The following CYTL1 variants were observed in gnomAD, a reference collection of about 807,000 sequenced individuals.
The protein encoded by CYTL1 is cytokine like 1.
In CYTL1, 17 loss-of-function variants were observed where a neutral mutation model predicts 13.1. The observed-to-expected ratio is 1.29, with a 90% CI of 0.89 to 1.94. The LOEUF (loss-of-function observed/expected upper bound fraction) is 1.94, where lower values mean the gene tolerates loss of function less well. Ranked by LOEUF, CYTL1 falls within the 30% of genes most tolerant of loss-of-function variation. CYTL1 has a pLI of 0.00. For synonymous variants in CYTL1, 91 were observed against 79.4 expected (o/e 1.15, Z -0.78); for missense variants, 213 against 174.8 (o/e 1.22, Z -1.23).
chr4:5,017,994 G>A (rs1400167559), intron 1 of CYTL1, among the ~76,000 whole-genome samples: 3 of 152,120 alleles, frequency 2.0e-5, no homozygotes, highest in African/African-American at 7.2e-5. Flanking sequence ...TTCCCGCTCT[G>A]TGGTTCAGAG....
rs964092345 is a variant in CYTL1 at position 5,017,196 on chromosome 4, G to C, written c.154-17C>G. 6.2e-7 allele frequency: 1 copy of C among 1,613,166 alleles called. No homozygotes were observed. Among genetic ancestry groups the C allele is most frequent in the African/African-American group, 1.3e-5 (1 of 74,916 alleles). ...ACATGGCTCCTGTGGAAAGGGATAA[G>C]GGGTTCTGGGATGCCCACAGGGGCA... is the stretch of plus-strand genomic sequence containing the variant. On this transcript the variant is annotated splice_polypyrimidine_tract_variant and intron_variant, in intron 1 of 3. Coordinates refer to ENST00000307746, the MANE Select transcript of CYTL1 (RefSeq NM_018659.3).
Position 5,019,282 on chromosome 4 carries a change from G to C in CYTL1, c.153+11C>G. ...CCATGCACCCCTGTCCTGAGCGGGC[G>C]GGGGACTCACCGAGGGCTCCGAGAC... On this transcript the variant is annotated intron_variant, in intron 1 of 3. Coordinates refer to ENST00000307746, the MANE Select transcript of CYTL1 (RefSeq NM_018659.3). The C allele has an allele frequency of 6.8e-7, 1 of 1,476,188 alleles. No homozygotes were observed. Among genetic ancestry groups the C allele is most frequent in the Non-Finnish European group, 9.0e-7 (1 of 1,116,564 alleles). The allele number at this position is 1,476,188 out of a possible 1,614,324, so 91.4% of individuals were successfully genotyped here. A position where few individuals can be genotyped will look rare whatever the true frequency, so the allele number is the denominator to read the frequency against.
chr4:5,017,871 A>G (rs1741111016), intron 1 of CYTL1, among the ~76,000 whole-genome samples: 1 of 152,200 alleles, frequency 6.6e-6, no homozygotes, highest in South Asian at 2.1e-4. Flanking sequence ...CTGAAGGGCA[A>G]AAGCCCTCGT....
At position 5,015,184 on chromosome 4, in the gene CYTL1, T is replaced by G. The variant is rs1741043270; in HGVS notation, c.378A>C (p.Pro126=). Reference sequence around the variant, plus strand: ...GACGATCTGGCAGGACCGTAGTCACTGGGATTGGGTATTCCAAGGCATTGC... The same window carrying G: ...GACGATCTGGCAGGACCGTAGTCACGGGGATTGGGTATTCCAAGGCATTGC... ...DDCNALEYPI[P]VTTVLPDRQR The change falls in exon 4 of 4, where the codon CCA becomes CCC. Residue 126 remains proline (P), a synonymous_variant. Coordinates refer to ENST00000307746, the MANE Select transcript of CYTL1 (RefSeq NM_018659.3). 3.1e-6 allele frequency: 5 copies of G among 1,614,054 alleles called. No individual in the cohort carries two copies. The East Asian group carries it at 1.1e-4, about 36-fold the overall frequency.
rs1225874402 is a variant in CYTL1 at position 5,017,128 on chromosome 4, C to T, written c.198+7G>A. ...AGACCTCCCTCCCCCAGGGAGAACC[C>T]TCTTACGTGTATGTCCAGGTACAGC... On this transcript the variant is annotated splice_region_variant and intron_variant, in intron 2 of 3. Coordinates refer to ENST00000307746, the MANE Select transcript of CYTL1 (RefSeq NM_018659.3). 3 of 1,613,774 alleles carry T rather than the reference C, an allele frequency of 1.9e-6. No homozygotes were observed. The African/African-American group carries it at 4.0e-5, about 22-fold the overall frequency.
At chr4:5,015,257 A>G in intron 3 of CYTL1, 23 bp from the exon 4 acceptor site, 3 of 1,600,358 alleles carry the variant, frequency 1.9e-6, no homozygotes, top group Non-Finnish European at 2.6e-6. Flanking sequence ...TGCAATGAGC[A>G]GGAAAGTTAC....
At chr4:5,016,045 T>C (rs1210698699) in intron 3 of CYTL1, among the ~76,000 whole-genome samples, 2 of 152,208 alleles carry the variant, frequency 1.3e-5, no homozygotes, top group Non-Finnish European at 1.5e-5. Flanking sequence ...AATGTAGGCT[T>C]TGACTTAATG....
chr4:5,016,623 G>A (rs1418686435), intron 3 of CYTL1, among the ~76,000 whole-genome samples: 7 of 152,126 alleles, frequency 4.6e-5, no homozygotes, highest in Non-Finnish European at 1.5e-5. Flanking sequence ...CTGCATCAAT[G>A]CGCAGCTCAT....
At chr4:5,017,465 C>A (rs1487132913) in intron 1 of CYTL1, among the ~76,000 whole-genome samples, 1 of 152,166 alleles carries the variant, frequency 6.6e-6, no homozygotes, top group South Asian at 2.1e-4. Flanking sequence ...CACGTATATA[C>A]ATAAAAGCAG....
chr4:5,016,768 C>T (rs571970955), intron 3 of CYTL1, 68 bp downstream of exon 3: 1 of 1,591,264 alleles, frequency 6.3e-7, no homozygotes, highest in East Asian at 2.2e-5. Context: ...CAACTCTCCT[C>T]TTTGAAAAGC....
At chr4:5,016,800 C>G (rs1741082408) in intron 3 of CYTL1, 36 bp downstream of exon 3, 1 of 1,612,124 alleles carries the variant, frequency 6.2e-7, no homozygotes, top group Admixed American at 1.7e-5. Flanking sequence ...TGGCTGATAG[C>G]AAGTAGAAAA....
chr4:5,018,939 C>T (rs1458627407), intron 1 of CYTL1, among the ~76,000 whole-genome samples: 1 of 151,834 alleles, frequency 6.6e-6, no homozygotes, highest in African/African-American at 2.4e-5. Context: ...TTCCTCCGTC[C>T]TCCTTAACTC....
At position 5,017,237 on chromosome 4, in the gene CYTL1, G is replaced by C. The variant is rs1431861821; in HGVS notation, c.154-58C>G. On this transcript the variant is annotated intron_variant, in intron 1 of 3. Coordinates refer to ENST00000307746, the MANE Select transcript of CYTL1 (RefSeq NM_018659.3). ...CACAGGGGCATACCTGGTCACAAAAGTCTCCCTAGTGGCCCTCTCAACAGC... is the reference window on the plus strand; with the variant it reads ...CACAGGGGCATACCTGGTCACAAAACTCTCCCTAGTGGCCCTCTCAACAGC... 3 of 1,566,768 alleles carry C rather than the reference G, an allele frequency of 1.9e-6. No individual in the cohort carries two copies. The East Asian group carries it at 6.7e-5, about 35-fold the overall frequency.
chr4:5,017,121 G>T lies in CYTL1; in HGVS notation c.198+14C>A, dbSNP rs752466816. ...CAGCCCAAGACCTCCCTCCCCCAGG[G>T]AGAACCCTCTTACGTGTATGTCCAG... On this transcript the variant is annotated intron_variant, in intron 2 of 3. Transcript: ENST00000307746. The T allele has an allele frequency of 2.5e-6, 4 of 1,613,324 alleles. No homozygotes were observed. Among genetic ancestry groups the T allele is most frequent in the Non-Finnish European group, 3.4e-6 (4 of 1,179,596 alleles).
intron 3 of CYTL1, 98 bp downstream of exon 3, chr4:5,016,738 T>C: frequency 6.8e-7 from 1 of 1,460,880 alleles, no homozygotes; most frequent in Non-Finnish European, 9.4e-7. Flanking sequence ...CTGCTCCTCT[T>C]CCTTGTCACC....
rs373597526 is a variant in CYTL1, at chr4:5,014,943, G to C, written c.*208C>G. Reference sequence around the variant, plus strand: ...ACCATCCTGGCAAGACATGAGTCAAGGGAATGAGAAGCATGGTTGCTAACT... The same window carrying C: ...ACCATCCTGGCAAGACATGAGTCAACGGAATGAGAAGCATGGTTGCTAACT... On this transcript the variant is annotated 3_prime_UTR_variant, in exon 4 of 4. Transcript: ENST00000307746. 9 of 566,576 alleles carry C rather than the reference G, an allele frequency of 1.6e-5. No individual in the cohort carries two copies. In the East Asian group the frequency reaches 2.5e-4, roughly 15 times the overall value. The allele number at this position is 566,576 out of a possible 1,614,324, so 35.1% of individuals were successfully genotyped here. A position where few individuals can be genotyped will look rare whatever the true frequency, so the allele number is the denominator to read the frequency against.
chr4:5,015,228 C>G lies in CYTL1; in HGVS notation c.334G>C (p.Val112Leu). Residue 112 changes from valine (V) to leucine (L), a missense_variant, in exon 4 of 4, where the codon GTA (valine) becomes CTA (leucine). Transcript: ENST00000307746. ...IMNSFCRRDLVFLLDDCNALE... is the reference protein window; with the variant it reads ...IMNSFCRRDLLFLLDDCNALE... ...GCATTGCAGTCATCCAACAGGAATA[C>G]CAAATCCTGAAAAAGATGTGCAATG... 6.2e-7 allele frequency: 1 copy of G among 1,612,438 alleles called. No individual in the cohort carries two copies. Among genetic ancestry groups the G allele is most frequent in the Non-Finnish European group, 8.5e-7 (1 of 1,179,182 alleles).
At chr4:5,015,383 C>G in intron 3 of CYTL1, 149 bp from the exon 4 acceptor site, 1 of 607,856 alleles carries the variant, frequency 1.6e-6, no homozygotes, top group East Asian at 2.9e-5. Context: ...CCAAAAAGGG[C>G]TAGTCACTTC....
chr4:5,017,448 A>C (rs1479193282), intron 1 of CYTL1, among the ~76,000 whole-genome samples: 2 of 152,216 alleles, frequency 1.3e-5, no homozygotes, highest in East Asian at 3.8e-4. Context: ...ATTCAGAAAT[A>C]TACATACACG....
Sources: allele counts gnomAD v4.1 joint callset (sites outside exome capture counted in the v4.1 genomes callset), GRCh38; gene constraint gnomAD v4.1.1; transcripts MANE v1.5; gene names NCBI Gene and HGNC (gene_info 2026-07-23, HGNC 2026-07-21).